The following IL1RAPL2 variants were observed in gnomAD, a reference collection of about 807,000 sequenced individuals.
The protein encoded by IL1RAPL2 is X-linked interleukin-1 receptor accessory protein-like 2.
A neutral mutation model predicts 44.1 loss-of-function variants in IL1RAPL2; 3 were observed. The ratio of observed to expected loss-of-function variants is 0.07; its 90% CI spans 0.03 to 0.18. The LOEUF (loss-of-function observed/expected upper bound fraction) is 0.18. Ranked by LOEUF, IL1RAPL2 falls within the 10% of genes least tolerant of loss-of-function variation. IL1RAPL2 has a pLI of 1.00. For missense variants in IL1RAPL2, 391 were observed against 496.4 expected, an observed-to-expected ratio of 0.79 and a Z score of 2.02; for synonymous variants, 181 against 178.8, an observed-to-expected ratio of 1.01 and a Z score of -0.10.
rs1159368195 is a variant in IL1RAPL2 at position 105,562,740 on chromosome X, GTAGGGAGGC to G, written c.772+78355_772+78363del. Among the ~76,000 whole-genome samples the G allele has an allele frequency of 5.4e-4, 60 of 111,621 alleles. 1 individual carries two copies. The East Asian group carries it at 0.016, about 30-fold the overall frequency. On this transcript the variant is annotated intron_variant, in intron 6 of 10. Transcript: ENST00000372582. ...TGCCTAGACAGAGGATCAATAGACA[GTAGGGAGGC>G]TCCCATACTCAAGTAATAACTTCCC... is the stretch of plus-strand genomic sequence containing the variant.
At chrX:104,918,746 G>A (rs942643273) in intron 2 of IL1RAPL2, among the ~76,000 whole-genome samples, 2 of 111,843 alleles carry the variant, frequency 1.8e-5, no homozygotes, top group Non-Finnish European at 3.8e-5. Flanking sequence ...TAAAATTAAC[G>A]GAGGCAAAAT....
intron 5 of IL1RAPL2, among the ~76,000 whole-genome samples, chrX:105,456,164 T>G (rs1380767851): frequency 8.9e-6 from 1 of 112,281 alleles, no homozygotes; most frequent in East Asian, 2.8e-4. Flanking sequence ...TTTTGTACAT[T>G]GATTTTGTAT....
At chrX:104,970,279 T>C (rs1278993499) in intron 2 of IL1RAPL2, among the ~76,000 whole-genome samples, 2 of 111,864 alleles carry the variant, frequency 1.8e-5, no homozygotes, top group African/African-American at 3.3e-5. Flanking sequence ...CAACAAATTA[T>C]TGATATAATT....
chrX:105,153,078 G>C (rs1055669452), intron 2 of IL1RAPL2, among the ~76,000 whole-genome samples: 1 of 110,819 alleles, frequency 9.0e-6, no homozygotes, highest in African/African-American at 3.3e-5. Context: ...ACAAAGTTTT[G>C]CTCTGTTGCC....
chrX:105,595,276 G>A (rs1006971024), intron 6 of IL1RAPL2, among the ~76,000 whole-genome samples: 1 of 111,508 alleles, frequency 9.0e-6, no homozygotes, highest in African/African-American at 3.3e-5. Context: ...TAATGTAGAC[G>A]GAAGTTTATT....
intron 6 of IL1RAPL2, among the ~76,000 whole-genome samples, chrX:105,583,175 C>T (rs1351401171): frequency 1.9e-5 from 2 of 105,366 alleles, no homozygotes; most frequent in Non-Finnish European, 3.9e-5. Context: ...CGCTCTGTCG[C>T]CCAGGCTGTA....
chrX:105,669,931 A>G (rs1275280442), intron 6 of IL1RAPL2, among the ~76,000 whole-genome samples: 7 of 105,738 alleles, frequency 6.6e-5, no homozygotes, highest in South Asian at 4.3e-4. Context: ...TTTTTATTAT[A>G]TAACTTGTGA....
intron 6 of IL1RAPL2, among the ~76,000 whole-genome samples, chrX:105,688,956 A>T (rs1226135165): frequency 8.9e-6 from 1 of 111,894 alleles, no homozygotes; most frequent in African/African-American, 3.3e-5. Flanking sequence ...AAACCTGACA[A>T]AAACAAGAAA....
intron 2 of IL1RAPL2, among the ~76,000 whole-genome samples, chrX:104,876,566 C>T (rs1253231344): frequency 9.4e-6 from 1 of 106,308 alleles, no homozygotes; most frequent in Non-Finnish European, 1.9e-5. Context: ...GTGTCAATTT[C>T]TGTTTAGAAG....
chrX:104,690,856 C>T (rs980799385), intron 2 of IL1RAPL2, among the ~76,000 whole-genome samples: 8 of 111,472 alleles, frequency 7.2e-5, no homozygotes, highest in African/African-American at 1.6e-4. Context: ...TCTCTATCCC[C>T]GATAAATGGA....
chrX:104,688,929 C>T (rs1931038930), intron 2 of IL1RAPL2, among the ~76,000 whole-genome samples: 1 of 111,387 alleles, frequency 9.0e-6, no homozygotes, highest in Non-Finnish European at 1.9e-5. Context: ...TAAGATAATG[C>T]ATTACAACTG....
chrX:105,420,499 A>C (rs1195709476), intron 5 of IL1RAPL2, among the ~76,000 whole-genome samples: 4 of 111,943 alleles, frequency 3.6e-5, no homozygotes, highest in Non-Finnish European at 1.9e-5. Context: ...CCATGGTCAC[A>C]CATGTGCTTG....
chrX:105,123,153 C>T (rs1399418210), intron 2 of IL1RAPL2, among the ~76,000 whole-genome samples: 3 of 110,612 alleles, frequency 2.7e-5, no homozygotes, highest in African/African-American at 9.8e-5. Flanking sequence ...GAAACTTTTA[C>T]CTGAGGTATT....
intron 2 of IL1RAPL2, among the ~76,000 whole-genome samples, chrX:105,062,360 GTTTCTA>G (rs780026624): frequency 1.4e-4 from 16 of 111,558 alleles, no homozygotes; most frequent in Non-Finnish European, 2.5e-4. Flanking sequence ...ACTTTCTGTT[GTTTCTA>G]TTTCTATCTT....
At chrX:105,242,725 C>CA (rs782230080) in intron 4 of IL1RAPL2, among the ~76,000 whole-genome samples, 12 of 110,609 alleles carry the variant, frequency 1.1e-4, no homozygotes, top group South Asian at 3.8e-4. Context: ...AAAAACAAAA[C>CA]AAAAAAAACA....
chrX:105,176,562 T>G (rs1010223120), intron 2 of IL1RAPL2, among the ~76,000 whole-genome samples: 5 of 110,343 alleles, frequency 4.5e-5, no homozygotes, highest in Non-Finnish European at 9.5e-5. Flanking sequence ...GCATGCTGCC[T>G]TCCGAAGGTC....
chrX:104,937,451 A>C (rs1925055273), intron 2 of IL1RAPL2, among the ~76,000 whole-genome samples: 1 of 112,061 alleles, frequency 8.9e-6, no homozygotes, highest in East Asian at 2.8e-4. Context: ...GAGAGAGTGG[A>C]GAAGACATAC....
intron 2 of IL1RAPL2, among the ~76,000 whole-genome samples, chrX:104,981,850 A>G (rs1242615295): frequency 1.8e-5 from 2 of 111,218 alleles, no homozygotes; most frequent in Non-Finnish European, 3.8e-5. Flanking sequence ...AGTTTATGTG[A>G]TGAATCATAT....
Position 105,726,177 on chromosome X carries a change from C to T in IL1RAPL2, c.902+8681C>T, listed in dbSNP as rs934176015. On this transcript the variant is annotated intron_variant, in intron 7 of 10. Transcript: ENST00000372582. ...TAGTAAATAATAATAATAATAATTCCAGTTCATCCTTTTATAGTACACTGC... is the reference window on the plus strand; with the variant it reads ...TAGTAAATAATAATAATAATAATTCTAGTTCATCCTTTTATAGTACACTGC... Among the ~76,000 whole-genome samples, 3 of 111,741 alleles carry T rather than the reference C, an allele frequency of 2.7e-5. No individual in the cohort carries two copies. In the East Asian group the frequency reaches 8.5e-4, roughly 32 times the overall value.
Sources: allele counts gnomAD v4.1 joint callset (sites outside exome capture counted in the v4.1 genomes callset), GRCh38; gene constraint gnomAD v4.1.1; transcripts MANE v1.5; gene names NCBI Gene and HGNC (gene_info 2026-07-23, HGNC 2026-07-21).